Variants in TOPAZ1 observed in about 807,000 individuals in gnomAD.
TOPAZ1 encodes testis and ovary specific TOPAZ 1, also known as protein TOPAZ1.
TOPAZ1 carries 66 observed loss-of-function variants against 172.2 expected under a neutral mutation model. That is an observed-to-expected ratio of 0.38 (90% CI 0.31 to 0.47). The LOEUF is 0.47. Ranked by LOEUF, TOPAZ1 falls within the 20% of genes least tolerant of loss-of-function variation. The probability of loss-of-function intolerance (pLI) is 0.99; values close to 1 mark genes in which losing one functional copy is unlikely to be tolerated. For synonymous variants in TOPAZ1, 681 were observed against 683.9 expected, an observed-to-expected ratio of 1.00 and a Z score of 0.07; for missense variants, 1,822 against 1,972.4, an observed-to-expected ratio of 0.92 and a Z score of 1.44.
At chr3:44,319,002 C>T (rs575155268) in intron 16 of TOPAZ1, among the ~76,000 whole-genome samples, 72 of 152,048 alleles carry the variant, frequency 4.7e-4, no homozygotes, top group Middle Eastern at 3.4e-3. Flanking sequence ...CCTCCATGCC[C>T]AGGTCTGTTC....
chr3:44,287,624 T>G, intron 10 of TOPAZ1, 84 bp downstream of exon 10: 1 of 1,143,424 alleles, frequency 8.7e-7, no homozygotes, highest in South Asian at 1.9e-5. Context: ...AGCAGTTGAA[T>G]TTCTGTATTT....
chr3:44,329,608 G>C (rs935136170), intron 19 of TOPAZ1, among the ~76,000 whole-genome samples: 2 of 152,136 alleles, frequency 1.3e-5, no homozygotes, highest in Admixed American at 6.5e-5. Flanking sequence ...TTTCATAGAT[G>C]GTAGCATAAG....
At chr3:44,303,848 G>A (rs1457778479) in intron 12 of TOPAZ1, among the ~76,000 whole-genome samples, 167 bp from the exon 13 acceptor site, 3 of 152,056 alleles carry the variant, frequency 2.0e-5, no homozygotes, top group Admixed American at 6.6e-5. Context: ...TATAAAGTAG[G>A]TGTCTATATA....
intron 11 of TOPAZ1, among the ~76,000 whole-genome samples, chr3:44,288,553 C>G (rs1379472606): frequency 6.6e-6 from 1 of 152,032 alleles, no homozygotes; most frequent in African/African-American, 2.4e-5. Flanking sequence ...GGCATGGTGG[C>G]GCACTCCTAT....
chr3:44,249,527 G>GC (rs1699605184), intron 2 of TOPAZ1, among the ~76,000 whole-genome samples: 1 of 152,158 alleles, frequency 6.6e-6, no homozygotes, highest in Non-Finnish European at 1.5e-5. Flanking sequence ...GGCAGAGGTA[G>GC]AATCCCTTAT....
intron 16 of TOPAZ1, among the ~76,000 whole-genome samples, chr3:44,311,844 C>G (rs1700400568): frequency 6.6e-6 from 1 of 152,044 alleles, no homozygotes; most frequent in South Asian, 2.1e-4. Flanking sequence ...TTACAAACAC[C>G]ATTTTGAACC....
Position 44,328,557 on chromosome 3 carries a change from G to T in TOPAZ1, c.4859+124G>T, listed in dbSNP as rs187510259. ...TATATTTATGTATATATTTATATATGTACTTTATGTGTGTGTATTGCAAAC... is the reference window on the plus strand; with the variant it reads ...TATATTTATGTATATATTTATATATTTACTTTATGTGTGTGTATTGCAAAC... On this transcript the variant is annotated intron_variant, in intron 19 of 19. Coordinates refer to ENST00000309765, the MANE Select transcript of TOPAZ1 (RefSeq NM_001145030.2). 52 of 450,614 alleles carry T rather than the reference G, an allele frequency of 1.2e-4. No individual in the cohort carries two copies. The East Asian group carries it at 1.4e-3, about 12-fold the overall frequency. 27.9% of individuals were successfully genotyped at this position (450,614 alleles called of 1,614,324 possible). A position where few individuals can be genotyped will look rare whatever the true frequency, so the allele number is the denominator to read the frequency against.
intron 2 of TOPAZ1, among the ~76,000 whole-genome samples, chr3:44,252,442 C>G (rs1699644984): frequency 1.3e-5 from 2 of 152,236 alleles, no homozygotes; most frequent in South Asian, 2.1e-4. Context: ...GTTTCACTGG[C>G]TTTCAGCCAC....
In TOPAZ1 at chr3:44,257,469, AGTGTGTGTGTGTGTGTGTGT is replaced by A. The variant is rs10523650; in HGVS notation, c.2955+1213_2955+1232del. 3.5e-5 allele frequency among the ~76,000 whole-genome samples: 4 copies of A among 113,824 alleles called. No individual in the cohort carries two copies. In the East Asian group the frequency reaches 6.2e-4, roughly 18 times the overall value. 74.7% of individuals were successfully genotyped at this position (113,824 alleles called of 152,430 possible). A position where few individuals can be genotyped will look rare whatever the true frequency, so the allele number is the denominator to read the frequency against. Reference sequence around the variant, plus strand: ...GTGTATCTATTTTATATATATATATAGTGTGTGTGTGTGTGTGTGTGTGTGTGTGTGTGTGTGTGTGAATG... The same window carrying A: ...GTGTATCTATTTTATATATATATATAGTGTGTGTGTGTGTGTGTGTGAATG... On this transcript the variant is annotated intron_variant, in intron 4 of 19. Transcript: ENST00000309765.
In TOPAZ1 at chr3:44,242,273, G is replaced by T. The variant is rs868396783; in HGVS notation, c.220G>T (p.Ala74Ser). 6.4e-7 allele frequency: 1 copy of T among 1,550,488 alleles called. No homozygotes were observed. The highest frequency in any genetic ancestry group is 8.7e-7 in the Non-Finnish European group (1 of 1,146,730). Residue 74 changes from alanine to serine, a missense_variant, in exon 1 of 20, where the codon GCT becomes TCT. By Grantham distance (99) the Ala-to-Ser change is moderately conservative. Coordinates refer to ENST00000309765, the MANE Select transcript of TOPAZ1 (RefSeq NM_001145030.2). Reference sequence around the variant, plus strand: ...TGATAAGTCGGTTGCAGCATCAGGGGCTGGAAAGGCCGCAAGGCGTCAGGT... The same window carrying T: ...TGATAAGTCGGTTGCAGCATCAGGGTCTGGAAAGGCCGCAAGGCGTCAGGT... ...ESDKSVAASG[A>S]GKAARRQVEG...
chr3:44,262,433 C>A lies in TOPAZ1; in HGVS notation c.2970C>A (p.Asp990Glu). The change falls in exon 5 of 20, where the codon GAC becomes GAA. Residue 990 changes from aspartate (D) to glutamate (E), a missense_variant. By Grantham distance (45) the Asp-to-Glu change is conservative. Transcript: ENST00000309765. ...TCTCTTCACAGCATAGATTTACAGA[C>A]AAAGTGATTACCAAAGAAGAAAAAG... Reference protein sequence around the residue: ...SDLDEKHRFTDKVITKEEKEN... With the variant: ...SDLDEKHRFTEKVITKEEKEN... 6.7e-7 allele frequency: 1 copy of A among 1,488,014 alleles called. No homozygotes were observed. The allele number at this position is 1,488,014 out of a possible 1,614,324, so 92.2% of individuals were successfully genotyped here.
chr3:44,314,220 C>T (rs1247923255), intron 16 of TOPAZ1, among the ~76,000 whole-genome samples: 2 of 152,166 alleles, frequency 1.3e-5, no homozygotes, highest in Non-Finnish European at 2.9e-5. Flanking sequence ...AGCCACTGCA[C>T]CCGGCCAACT....
chr3:44,309,720 A>C (rs1006821571), intron 15 of TOPAZ1, 105 bp from the exon 16 acceptor site: 21 of 822,778 alleles, frequency 2.6e-5, no homozygotes, highest in Non-Finnish European at 1.9e-6. Flanking sequence ...CCAGCAGTCT[A>C]GGATGATGAT....
chr3:44,304,390 C>T (rs1267743437), intron 13 of TOPAZ1, among the ~76,000 whole-genome samples: 2 of 152,154 alleles, frequency 1.3e-5, no homozygotes, highest in Non-Finnish European at 2.9e-5. Flanking sequence ...CAGACTCGCT[C>T]AGTGCATAAG....
downstream of TOPAZ1, among the ~76,000 whole-genome samples, chr3:44,334,022 G>A (rs570701928): frequency 7.2e-5 from 11 of 152,336 alleles, no homozygotes; most frequent in East Asian, 1.7e-3. Context: ...GTGCCTTGAT[G>A]TTAGCAAGGG....
chr3:44,266,897 A>T, intron 5 of TOPAZ1, 100 bp from the exon 6 acceptor site: 2 of 922,904 alleles, frequency 2.2e-6, no homozygotes. Context: ...AAATAAAAAT[A>T]AAAAATTTTT....
chr3:44,290,736 G>T lies in TOPAZ1; in HGVS notation c.3682-35G>T, dbSNP rs979113723. On this transcript the variant is annotated intron_variant, in intron 11 of 19. Transcript: ENST00000309765. Reference sequence around the variant, plus strand: ...GGCTCCTCAATTCTGTCACATTTTTGTAAGAATAACCACTCTTTCTTTTCT... The same window carrying T: ...GGCTCCTCAATTCTGTCACATTTTTTTAAGAATAACCACTCTTTCTTTTCT... 5.1e-6 allele frequency: 7 copies of T among 1,370,578 alleles called. 1 individual carries two copies. Among genetic ancestry groups the T allele is most frequent in the Non-Finnish European group, 7.0e-6 (7 of 998,112 alleles). The allele number at this position is 1,370,578 out of a possible 1,614,324, so 84.9% of individuals were successfully genotyped here. A position where few individuals can be genotyped will look rare whatever the true frequency, so the allele number is the denominator to read the frequency against.
intron 12 of TOPAZ1, among the ~76,000 whole-genome samples, chr3:44,297,558 T>G (rs1393637672): frequency 2.0e-5 from 3 of 152,200 alleles, no homozygotes; most frequent in Non-Finnish European, 4.4e-5. Context: ...GACTGGATGC[T>G]TCTTCCTAAG....
intron 8 of TOPAZ1, among the ~76,000 whole-genome samples, chr3:44,273,448 A>G (rs1699919381): frequency 6.6e-6 from 1 of 152,180 alleles, no homozygotes. Context: ...TCTTTACACT[A>G]TATTCTCTAC....
Sources: allele counts gnomAD v4.1 joint callset (sites outside exome capture counted in the v4.1 genomes callset), GRCh38; gene constraint gnomAD v4.1.1; transcripts MANE v1.5; gene names NCBI Gene and HGNC (gene_info 2026-07-23, HGNC 2026-07-21).